Variants in LTBP1 observed in about 807,000 individuals in gnomAD.
LTBP1 encodes the protein latent-transforming growth factor beta-binding protein 1.
Under a neutral mutation model 207.6 loss-of-function variants are expected in LTBP1, and 129 were observed. The ratio of observed to expected loss-of-function variants is 0.62; its 90% confidence interval spans 0.54 to 0.72. LTBP1 has a LOEUF of 0.72. Among genes scored for constraint, LTBP1 ranks in the 30% least tolerant of loss-of-function variants. The probability of loss-of-function intolerance (pLI) is 0.00; values close to 1 mark genes in which losing one functional copy is unlikely to be tolerated. For missense variants in LTBP1, 2,281 were observed against 2,217.2 expected, an observed-to-expected ratio of 1.03 and a Z score of -0.58; for synonymous variants, 963 against 833.7, an observed-to-expected ratio of 1.16 and a Z score of -2.67.
At chr2:32,959,617 A>ATTTTTTTTT (rs1373102884) in intron 2 of LTBP1, among the ~76,000 whole-genome samples, 34 of 38,548 alleles carry the variant, frequency 8.8e-4, no homozygotes, top group South Asian at 6.3e-3. Context: ...ATATATATAT[A>ATTTTTTTTT]TATATTTTTT....
At chr2:33,309,761 C>G (rs570174515) in intron 23 of LTBP1, among the ~76,000 whole-genome samples, 11 of 152,296 alleles carry the variant, frequency 7.2e-5, no homozygotes, top group African/African-American at 2.2e-4. Context: ...GAAACTCACA[C>G]GAGTAAGAGC....
chr2:32,952,967 G>C (rs1677411454), intron 2 of LTBP1, among the ~76,000 whole-genome samples: 1 of 152,218 alleles, frequency 6.6e-6, no homozygotes, highest in South Asian at 2.1e-4. Context: ...CCATGTGCCA[G>C]GTTCTATGAA....
In LTBP1 at chr2:33,263,341, G is replaced by A. The variant is rs1468427481; in HGVS notation, c.2566G>A (p.Glu856Lys). The A allele has an allele frequency of 1.9e-6, 3 of 1,613,908 alleles. No individual in the cohort carries two copies. The highest frequency in any genetic ancestry group is 2.5e-6 in the Non-Finnish European group (3 of 1,179,970). Residue 856 changes from glutamate to lysine, a missense_variant, in exon 15 of 34, where the codon GAA becomes AAA. Around this residue, in one of 3 missense-constraint regions of LTBP1, gnomAD observed 1,671 missense variants for 1,634.8 expected, o/e 1.02. Coordinates refer to ENST00000404816, the MANE Select transcript of LTBP1 (RefSeq NM_206943.4). ...SPPVPVEVAP[E>K]ASTSSASQVI... ...TCCTGTGCCTGTTGAAGTAGCTCCT[G>A]AAGCTTCTACGTCTAGTGCCAGCCA...
At chr2:33,060,025 G>A (rs2077186708) in intron 3 of LTBP1, among the ~76,000 whole-genome samples, 1 of 152,190 alleles carries the variant, frequency 6.6e-6, no homozygotes, top group African/African-American at 2.4e-5. Context: ...ACATGTTGTT[G>A]GTTCGGGCAA....
At chr2:33,279,867 T>G (rs552695109) in intron 18 of LTBP1, among the ~76,000 whole-genome samples, 172 bp from the exon 19 acceptor site, 1 of 152,332 alleles carries the variant, frequency 6.6e-6, no homozygotes, top group East Asian at 1.9e-4. Flanking sequence ...TGCTTGACCA[T>G]GCATTATTGC....
intron 20 of LTBP1, among the ~76,000 whole-genome samples, chr2:33,296,478 A>G (rs1362118824): frequency 6.6e-6 from 1 of 152,056 alleles, no homozygotes; most frequent in Non-Finnish European, 1.5e-5. Context: ...CCAGTGGTTC[A>G]TGGTATGACC....
chr2:33,255,512 G>A (rs1011356936), intron 11 of LTBP1, among the ~76,000 whole-genome samples: 1 of 152,124 alleles, frequency 6.6e-6, no homozygotes. Flanking sequence ...AAATCATGCT[G>A]CTATAAAGAC....
intron 2 of LTBP1, among the ~76,000 whole-genome samples, chr2:32,962,706 A>G (rs1198555644): frequency 6.6e-6 from 1 of 152,234 alleles, no homozygotes; most frequent in Non-Finnish European, 1.5e-5. Context: ...TTCTCTGGCA[A>G]AATTTCCCCA....
chr2:33,088,948 G>A lies in LTBP1; in HGVS notation c.864-21634G>A, dbSNP rs142635195. 7.3e-3 allele frequency among the ~76,000 whole-genome samples: 1,113 copies of A among 152,108 alleles called. 12 individuals are homozygous for A. The highest frequency in any genetic ancestry group is 0.025 in the African/African-American group (1,028 of 41,496). ...AGGCGGGCAGATCACTTGAGATCAG[G>A]AGTTTGAGACCAGCCTGGCCAACAT... On this transcript the variant is annotated intron_variant, in intron 3 of 33. Coordinates refer to ENST00000404816, the MANE Select transcript of LTBP1 (RefSeq NM_206943.4).
rs2094970947 is a variant in LTBP1 at position 33,365,241 on chromosome 2, G to A, written c.4541-92G>A. On this transcript the variant is annotated intron_variant, in intron 30 of 33. Transcript: ENST00000404816. ...CTTGGAAGTCACTCTTAGAAATAGA[G>A]ATGGAAACTTTGAGACTTGCTGGCT... 8 of 1,094,130 alleles carry A rather than the reference G, an allele frequency of 7.3e-6. No individual in the cohort carries two copies. In the South Asian group the frequency reaches 1.2e-4, roughly 16 times the overall value. 67.8% of individuals were successfully genotyped at this position (1,094,130 alleles called of 1,614,324 possible).
At chr2:33,187,386 T>C (rs1212868724) in intron 6 of LTBP1, among the ~76,000 whole-genome samples, 5 of 151,944 alleles carry the variant, frequency 3.3e-5, no homozygotes, top group Non-Finnish European at 5.9e-5. Context: ...GCCTGGGAAA[T>C]AGAAAGATGA....
chr2:33,305,416 GTTGAGGAAGGGT>G (rs11271058), intron 22 of LTBP1, among the ~76,000 whole-genome samples: 2,284 of 152,200 alleles, frequency 0.015, 60 homozygotes, highest in African/African-American at 0.051. Context: ...TATGGGGAGT[GTTGAGGAAGGGT>G]GGTGATTTTA....
intron 24 of LTBP1, among the ~76,000 whole-genome samples, chr2:33,326,440 A>G (rs1270784900): frequency 6.6e-6 from 1 of 152,110 alleles, no homozygotes; most frequent in Non-Finnish European, 1.5e-5. Flanking sequence ...CTGGTCATTC[A>G]CTGAATGAGC....
chr2:32,963,994 G>A (rs1487078980), intron 2 of LTBP1, among the ~76,000 whole-genome samples: 2 of 152,234 alleles, frequency 1.3e-5, no homozygotes, highest in African/African-American at 4.8e-5. Flanking sequence ...GCCATTACTT[G>A]TTTCTAAAAT....
chr2:33,225,670 T>C (rs943712159), intron 9 of LTBP1, among the ~76,000 whole-genome samples: 14 of 152,230 alleles, frequency 9.2e-5, no homozygotes, highest in African/African-American at 3.1e-4. Context: ...TGGGTGGGGA[T>C]ACAGCCAAAT....
intron 7 of LTBP1, among the ~76,000 whole-genome samples, chr2:33,210,462 C>A (rs1318350778): frequency 1.3e-5 from 2 of 152,060 alleles, no homozygotes; most frequent in Non-Finnish European, 2.9e-5. Context: ...AAAACATTAT[C>A]TCTTTCTCCT....
intron 3 of LTBP1, among the ~76,000 whole-genome samples, chr2:33,039,137 C>G (rs1014344455): frequency 6.6e-6 from 1 of 152,100 alleles, no homozygotes; most frequent in Non-Finnish European, 1.5e-5. Flanking sequence ...GTTAAATTGG[C>G]CTTTGTGTGT....
intron 19 of LTBP1, among the ~76,000 whole-genome samples, chr2:33,283,078 AAAAAAAG>A (rs2093593091): frequency 6.7e-6 from 1 of 149,650 alleles, no homozygotes; most frequent in South Asian, 2.1e-4. Context: ...AAAAAAAAAA[AAAAAAAG>A]AGAGAGTGAA....
At chr2:33,169,804 GAGAT>G (rs2085256775) in intron 5 of LTBP1, among the ~76,000 whole-genome samples, 1 of 152,136 alleles carries the variant, frequency 6.6e-6, no homozygotes, top group African/African-American at 2.4e-5. Flanking sequence ...AACATTCTAA[GAGAT>G]AGGTAAAATA....
Sources: gnomAD v4.1 joint callset for allele counts (sites outside exome capture counted in the v4.1 genomes callset) on GRCh38, gnomAD v4.1.1 for gene constraint, gnomAD v4.1.1 regional missense constraint, MANE v1.5 for transcripts, NCBI Gene and HGNC (gene_info 2026-07-23, HGNC 2026-07-21) for gene names.